The following PCDHGA12 variants were observed in gnomAD, a reference collection of about 807,000 sequenced individuals.
PCDHGA12 encodes the protein protocadherin gamma subfamily A, 12.
In PCDHGA12, 43 loss-of-function variants were observed where a neutral mutation model predicts 61.1. The observed-to-expected ratio is 0.70, with a 90% CI of 0.55 to 0.91. The LOEUF is 0.91. PCDHGA12 is among the 40% of genes least tolerant of loss of function. The pLI, the probability that PCDHGA12 is intolerant of heterozygous loss-of-function variation, is 0.00. For synonymous variants in PCDHGA12, 520 were observed against 542.9 expected (o/e 0.96, Z 0.59); for missense variants, 1,236 against 1,227.7 (o/e 1.01, Z -0.10).
chr5:141,460,938 A>G (rs532872249), intron 1 of PCDHGA12, among the ~76,000 whole-genome samples: 38 of 149,918 alleles, frequency 2.5e-4, no homozygotes, highest in African/African-American at 9.1e-4. Context: ...GTGTGTGTAT[A>G]TATATGTATT....
At chr5:141,438,649 CACAT>C (rs2098044358) in intron 1 of PCDHGA12, among the ~76,000 whole-genome samples, 1 of 100,976 alleles carries the variant, frequency 9.9e-6, no homozygotes, top group Non-Finnish European at 2.0e-5. Context: ...CACACACACA[CACAT>C]ATATGTATAT....
intron 2 of PCDHGA12, among the ~76,000 whole-genome samples, chr5:141,499,192 C>T (rs1048812227): frequency 1.1e-4 from 17 of 152,106 alleles, no homozygotes; most frequent in South Asian, 2.1e-4. Flanking sequence ...CCATTTCCCC[C>T]TTCTTAGGCT....
Position 141,489,802 on chromosome 5 carries a change from G to A in PCDHGA12, c.2425-5005G>A, listed in dbSNP as rs2099692541. On this transcript the variant is annotated intron_variant, in intron 1 of 3. Transcript: ENST00000252085. The surrounding 1 kb of genome is among the most constrained non-coding windows in gnomAD (Gnocchi z 4.5). ...TCTGAATGTGAAGACCCTAAAAGAT[G>A]GGAAGCCATTCCCAGAGCTGGTGCT... is the stretch of plus-strand genomic sequence containing the variant. 6.2e-7 allele frequency: 1 copy of A among 1,614,042 alleles called. No homozygotes were observed. The highest frequency in any genetic ancestry group is 1.1e-5 in the South Asian group (1 of 91,088).
chr5:141,437,408 G>A (rs1591455458), intron 1 of PCDHGA12, among the ~76,000 whole-genome samples: 1 of 152,200 alleles, frequency 6.6e-6, no homozygotes, highest in Non-Finnish European at 1.5e-5. Flanking sequence ...CATTCCAGAA[G>A]TATTATGCTT....
At position 141,511,146 on chromosome 5, in the gene PCDHGA12, G is replaced by T; in HGVS notation, c.2772G>T (p.Lys924Asn). 1 of 1,614,208 alleles carries T rather than the reference G, an allele frequency of 6.2e-7. No individual in the cohort carries two copies. Among genetic ancestry groups the T allele is most frequent in the Non-Finnish European group, 8.5e-7 (1 of 1,180,018 alleles). The change falls in exon 4 of 4, where the codon AAG becomes AAT. Residue 924 changes from lysine to asparagine, a missense_variant. Lys to Asn is a moderately conservative substitution (Grantham distance 94). Coordinates refer to ENST00000252085, the MANE Select transcript of PCDHGA12 (RefSeq NM_003735.3). Reference protein sequence around the residue: ...KAPAGGNGNKKKSGKKEKK With the variant: ...KAPAGGNGNKNKSGKKEKK The stretch of plus-strand genomic sequence containing the variant: ...CAGCAGGTGGCAATGGCAACAAGAA[G>T]AAGTCGGGCAAGAAGGAGAAGAAGT...
Position 141,490,162 on chromosome 5 carries a change from A to C in PCDHGA12, c.2425-4645A>C. ...TGGGGCAATCCATGTGTTGGGTCCC[A>C]TAGACTTTGAGGAGTCACGTTTCTA... On this transcript the variant is annotated intron_variant, in intron 1 of 3. Coordinates refer to ENST00000252085, the MANE Select transcript of PCDHGA12 (RefSeq NM_003735.3). The surrounding 1 kb of genome is among the most constrained non-coding windows in gnomAD (Gnocchi z 5.4). The C allele has an allele frequency of 6.2e-7, 1 of 1,614,218 alleles. No individual in the cohort carries two copies. The highest frequency in any genetic ancestry group is 8.5e-7 in the Non-Finnish European group (1 of 1,180,028).
At position 141,449,274 on chromosome 5, in the gene PCDHGA12, T is replaced by C. The variant is rs569352843; in HGVS notation, c.2424+16091T>C. 3.9e-5 allele frequency among the ~76,000 whole-genome samples: 6 copies of C among 152,260 alleles called. No individual in the cohort carries two copies. In the East Asian group the frequency reaches 1.2e-3, roughly 29 times the overall value. On this transcript the variant is annotated intron_variant, in intron 1 of 3. Transcript: ENST00000252085. ...GAATTGTACAAAGAACTGTATCTCC[T>C]TCACCCGGATGCACCGGGTGAATTA...
At chr5:141,498,419 G>A (rs78940285) in intron 2 of PCDHGA12, among the ~76,000 whole-genome samples, 4,023 of 152,260 alleles carry the variant, frequency 0.026, 75 homozygotes, top group Non-Finnish European at 0.043. Flanking sequence ...TGCTGGCACT[G>A]GAGTGAGGGG....
chr5:141,509,371 T>C (rs2099876508), intron 3 of PCDHGA12, among the ~76,000 whole-genome samples: 1 of 152,258 alleles, frequency 6.6e-6, no homozygotes, highest in South Asian at 2.1e-4. Context: ...AGGTTTTAAC[T>C]GTCTCCTAAC....
intron 3 of PCDHGA12, 125 bp downstream of exon 3, chr5:141,505,606 C>G: frequency 6.5e-7 from 1 of 1,528,642 alleles, no homozygotes; most frequent in Non-Finnish European, 8.8e-7. Flanking sequence ...TTCGGCAGGT[C>G]TGAAAGGACC....
At chr5:141,467,628 C>G (rs181245841) in intron 1 of PCDHGA12, among the ~76,000 whole-genome samples, 49 of 152,224 alleles carry the variant, frequency 3.2e-4, no homozygotes, top group African/African-American at 1.1e-3. Context: ...TTTGAGATAG[C>G]ATCTTTATCA....
In PCDHGA12 at chr5:141,487,930, G is replaced by T; in HGVS notation, c.2425-6877G>T. On this transcript the variant is annotated intron_variant, in intron 1 of 3. Coordinates refer to ENST00000252085, the MANE Select transcript of PCDHGA12 (RefSeq NM_003735.3). This position sits in a 1 kb window ranked among gnomAD's most constrained non-coding sequence, Gnocchi z 5.0. Reference sequence around the variant, plus strand: ...GAGCACAGGAGGCTACAGTGCACAGGGTACAGTGCACCAGGCAGTCACTTG... The same window carrying T: ...GAGCACAGGAGGCTACAGTGCACAGTGTACAGTGCACCAGGCAGTCACTTG... 2 of 613,220 alleles carry T rather than the reference G, an allele frequency of 3.3e-6. No homozygotes were observed. Among genetic ancestry groups the T allele is most frequent in the African/African-American group, 1.8e-5 (1 of 54,186 alleles). 38.0% of individuals were successfully genotyped at this position (613,220 alleles called of 1,614,324 possible).
chr5:141,465,950 A>G (rs570810183), intron 1 of PCDHGA12, among the ~76,000 whole-genome samples: 2 of 152,102 alleles, frequency 1.3e-5, no homozygotes, highest in African/African-American at 4.8e-5. Flanking sequence ...GTGAAACCCC[A>G]TCTCTACTAA....
chr5:141,430,915 G>T lies in PCDHGA12; in HGVS notation c.156G>T (p.Leu52=). The T allele has an allele frequency of 6.2e-7, 1 of 1,607,738 alleles. No individual in the cohort carries two copies. Among genetic ancestry groups the T allele is most frequent in the East Asian group, 2.2e-5 (1 of 44,852 alleles). Residue 52 remains leucine, a synonymous_variant, in exon 1 of 4, where the codon CTG becomes CTT. Transcript: ENST00000252085. ...GSRVGDISRD[L]GLEPRELAER... The stretch of plus-strand genomic sequence containing the variant: ...GGGTGGGCGACATCTCCAGGGACCT[G>T]GGGCTGGAGCCCCGGGAGCTCGCGG...
chr5:141,450,826 A>ATTTT (rs764729742), intron 1 of PCDHGA12, among the ~76,000 whole-genome samples: 5 of 134,360 alleles, frequency 3.7e-5, no homozygotes, highest in East Asian at 2.1e-4. Flanking sequence ...TATTATTATT[A>ATTTT]TTATTTTTTT....
intron 1 of PCDHGA12, among the ~76,000 whole-genome samples, chr5:141,464,404 T>G (rs1224596546): frequency 6.6e-6 from 1 of 151,532 alleles, no homozygotes; most frequent in African/African-American, 2.4e-5. Flanking sequence ...GAACCTGAGA[T>G]ATATATATAT....
chr5:141,442,697 G>C (rs1443734141), intron 1 of PCDHGA12, among the ~76,000 whole-genome samples: 2 of 152,258 alleles, frequency 1.3e-5, no homozygotes, highest in East Asian at 1.9e-4. Flanking sequence ...AGGCAGACAA[G>C]AGTATCAGAC....
In PCDHGA12 at chr5:141,491,552, G is replaced by A. The variant is rs769927075; in HGVS notation, c.2425-3255G>A. 1 of 1,614,008 alleles carries A rather than the reference G, an allele frequency of 6.2e-7. No individual in the cohort carries two copies. The highest frequency in any genetic ancestry group is 1.7e-5 in the Admixed American group (1 of 60,024). On this transcript the variant is annotated intron_variant, in intron 1 of 3. Coordinates refer to ENST00000252085, the MANE Select transcript of PCDHGA12 (RefSeq NM_003735.3). This position sits in a 1 kb window ranked among gnomAD's most constrained non-coding sequence, Gnocchi z 6.9. Reference sequence around the variant, plus strand: ...ACGCTGCGGCCCACAGACTCGCAGAGCCACTGCTACAGGACGTGCTTTTCA... The same window carrying A: ...ACGCTGCGGCCCACAGACTCGCAGAACCACTGCTACAGGACGTGCTTTTCA...
chr5:141,510,905 C>T lies in PCDHGA12; in HGVS notation c.2573-42C>T. 4 of 1,613,538 alleles carry T rather than the reference C, an allele frequency of 2.5e-6. No homozygotes were observed. In the South Asian group the frequency reaches 4.4e-5, roughly 18 times the overall value. ...GATATAAGACAGTGACTGTTGAGGA[C>T]CCTAAGTTTAGCTCCCACCTGATCT... On this transcript the variant is annotated intron_variant, in intron 3 of 3. Coordinates refer to ENST00000252085, the MANE Select transcript of PCDHGA12 (RefSeq NM_003735.3).
Sources: gnomAD v4.1 joint callset for allele counts (sites outside exome capture counted in the v4.1 genomes callset) on GRCh38, gnomAD v4.1.1 for gene constraint, Gnocchi (gnomAD v3.1) non-coding constraint, MANE v1.5 for transcripts, NCBI Gene and HGNC (gene_info 2026-07-23, HGNC 2026-07-21) for gene names.